DEUP1: variants seen among roughly 807,000 people sequenced by gnomAD.
DEUP1 encodes coiled-coil domain containing 67.
DEUP1 carries 82 observed loss-of-function variants against 87.4 expected under a neutral mutation model. That is an observed-to-expected ratio of 0.94 (90% CI 0.78 to 1.13). DEUP1 has a LOEUF of 1.13. Among genes scored for constraint, DEUP1 ranks in the 50% most tolerant of loss-of-function variants. The pLI is 0.00. For synonymous variants in DEUP1, 214 were observed against 222.7 expected, an observed-to-expected ratio of 0.96 and a Z score of 0.35; for missense variants, 663 against 681.5, an observed-to-expected ratio of 0.97 and a Z score of 0.30.
chr11:93,364,352 G>A, intron 5 of DEUP1, 58 bp downstream of exon 5: 4 of 1,491,430 alleles, frequency 2.7e-6, no homozygotes, highest in Non-Finnish European at 3.7e-6. Context: ...CTATTGTTGT[G>A]GGCTATTTGT....
At chr11:93,373,624 CGTATATAT>C (rs1945866422) in intron 7 of DEUP1, among the ~76,000 whole-genome samples, 1 of 78,868 alleles carries the variant, frequency 1.3e-5, no homozygotes, top group East Asian at 3.2e-4. Flanking sequence ...TATATATATA[CGTATATAT>C]ATATATATAT....
intron 2 of DEUP1, among the ~76,000 whole-genome samples, chr11:93,339,884 A>C (rs1315634353): frequency 6.6e-6 from 1 of 152,134 alleles, no homozygotes; most frequent in Non-Finnish European, 1.5e-5. Context: ...CTGAGTCGAG[A>C]ACCTGAACTT....
intron 7 of DEUP1, among the ~76,000 whole-genome samples, chr11:93,376,323 G>C (rs61919177): frequency 0.24 from 36,899 of 152,016 alleles, 4,803 homozygotes; most frequent in South Asian, 0.38. Context: ...ATCTAGGAGG[G>C]TTTAATCTAG....
At chr11:93,357,183 G>GT (rs1944937874) in intron 4 of DEUP1, 140 bp downstream of exon 4, 1 of 579,272 alleles carries the variant, frequency 1.7e-6, no homozygotes, top group African/African-American at 1.9e-5. Context: ...GTCTTTCCCT[G>GT]TTTTATATGC....
At chr11:93,390,974 C>A (rs2134346827) in intron 9 of DEUP1, among the ~76,000 whole-genome samples, 1 of 151,648 alleles carries the variant, frequency 6.6e-6, no homozygotes, top group Non-Finnish European at 1.5e-5. Flanking sequence ...CCCAGCTACT[C>A]AGGAGGCTGA....
chr11:93,421,176 G>GC (rs1947863377), intron 13 of DEUP1, among the ~76,000 whole-genome samples: 1 of 33,010 alleles, frequency 3.0e-5, no homozygotes, highest in African/African-American at 1.2e-4. Flanking sequence ...CACCTGGGAA[G>GC]CGCAAGGGGT....
In DEUP1 at chr11:93,389,055, C is replaced by A. The variant is rs1591206201; in HGVS notation, c.971C>A (p.Pro324Gln). 1 of 1,595,762 alleles carries A rather than the reference C, an allele frequency of 6.3e-7. No individual in the cohort carries two copies. The highest frequency in any genetic ancestry group is 8.6e-7 in the Non-Finnish European group (1 of 1,169,540). Residue 324 changes from proline to glutamine, a missense_variant, in exon 9 of 14, where the codon CCA becomes CAA. Transcript: ENST00000298050. ...TCTTATTTGCCTTCTATTAAAGAAC[C>A]AGAAAGGAAAATAAAAGAGCTGTTT... ...ESSYLPSIKE[P>Q]ERKIKELFSV...
At chr11:93,330,084 G>A (rs1286757442), upstream of DEUP1, 1 of 152,236 alleles carries the variant, frequency 6.6e-6, no homozygotes, top group Non-Finnish European at 1.5e-5. Context: ...CGCTTGACGG[G>A]AAAGTCAGGT....
intron 13 of DEUP1, among the ~76,000 whole-genome samples, chr11:93,435,882 G>C (rs917435467): frequency 6.6e-6 from 1 of 152,028 alleles, no homozygotes; most frequent in South Asian, 2.1e-4. Context: ...TGTAGTCCCA[G>C]CTACTCGGGA....
intron 2 of DEUP1, among the ~76,000 whole-genome samples, 189 bp from the exon 3 acceptor site, chr11:93,355,182 T>C (rs1490916751): frequency 6.6e-6 from 1 of 152,216 alleles, no homozygotes; most frequent in Non-Finnish European, 1.5e-5. Flanking sequence ...TAAGTATATA[T>C]ACACTGTTAG....
chr11:93,395,643 A>G (rs1364113013), intron 10 of DEUP1, among the ~76,000 whole-genome samples: 1 of 152,138 alleles, frequency 6.6e-6, no homozygotes. Context: ...TAAATTGGTA[A>G]TTTACAAAAT....
intron 7 of DEUP1, among the ~76,000 whole-genome samples, chr11:93,380,569 T>A (rs1350585976): frequency 6.6e-6 from 1 of 151,948 alleles, no homozygotes; most frequent in Non-Finnish European, 1.5e-5. Flanking sequence ...CTCGGCTATT[T>A]TTTTTTTGTA....
At chr11:93,402,875 G>A (rs1368847135) in intron 11 of DEUP1, among the ~76,000 whole-genome samples, 2 of 151,782 alleles carry the variant, frequency 1.3e-5, no homozygotes, top group Admixed American at 6.6e-5. Flanking sequence ...GAAGGATAGG[G>A]AGGAAGGGAG....
At chr11:93,347,779 G>A (rs1041596277) in intron 2 of DEUP1, among the ~76,000 whole-genome samples, 16 of 151,886 alleles carry the variant, frequency 1.1e-4, no homozygotes, top group Admixed American at 9.8e-4. Context: ...TTGCTTTGAT[G>A]CCCAGGCTGG....
chr11:93,398,965 C>T (rs1331623478), intron 11 of DEUP1, among the ~76,000 whole-genome samples: 1 of 152,088 alleles, frequency 6.6e-6, no homozygotes, highest in Non-Finnish European at 1.5e-5. Context: ...TCAAGTGATC[C>T]ACCAGCCTTG....
At chr11:93,431,261 A>T (rs926313763) in intron 13 of DEUP1, among the ~76,000 whole-genome samples, 3 of 152,078 alleles carry the variant, frequency 2.0e-5, no homozygotes, top group Admixed American at 2.0e-4. Flanking sequence ...TTAAGGTGAA[A>T]CCCAAACAAC....
At chr11:93,419,434 G>A (rs1407487221) in intron 13 of DEUP1, among the ~76,000 whole-genome samples, 1 of 152,136 alleles carries the variant, frequency 6.6e-6, no homozygotes, top group Non-Finnish European at 1.5e-5. Flanking sequence ...GTGAAAACCA[G>A]GAGGCAGTCA....
chr11:93,374,140 T>A (rs1400677674), intron 7 of DEUP1, among the ~76,000 whole-genome samples: 1 of 152,232 alleles, frequency 6.6e-6, no homozygotes, highest in African/African-American at 2.4e-5. Context: ...GTTTGTTTTT[T>A]TCTTCCTGAT....
At position 93,415,009 on chromosome 11, in the gene DEUP1, T is replaced by A. The variant is rs777067272; in HGVS notation, c.1533T>A (p.His511Gln). 3 of 1,564,594 alleles carry A rather than the reference T, an allele frequency of 1.9e-6. No individual in the cohort carries two copies. Among genetic ancestry groups the A allele is most frequent in the South Asian group, 2.5e-5 (2 of 80,412 alleles). Residue 511 changes from histidine to glutamine, a missense_variant, in exon 13 of 14, where the codon CAT becomes CAA. Coordinates refer to ENST00000298050, the MANE Select transcript of DEUP1 (RefSeq NM_181645.4). ...ATTTCTTCTCTTTTAGACTTAGTCA[T>A]GACTGTGAGCCAAACAGAAGTACAA... is the stretch of plus-strand genomic sequence containing the variant. ...KVEQNEERLS[H>Q]DCEPNRSTMP...
Sources: gnomAD v4.1 joint callset for allele counts (sites outside exome capture counted in the v4.1 genomes callset) on GRCh38, gnomAD v4.1.1 for gene constraint, MANE v1.5 for transcripts, NCBI Gene and HGNC (gene_info 2026-07-23, HGNC 2026-07-21) for gene names.